Variants in GPATCH2 observed in about 807,000 individuals in gnomAD.
The protein encoded by GPATCH2 is G patch domain-containing protein 2.
A neutral mutation model predicts 58.0 loss-of-function variants in GPATCH2; 51 were observed. That is an observed-to-expected ratio of 0.88 (90% CI 0.70 to 1.11). The LOEUF (loss-of-function observed/expected upper bound fraction) is 1.11. GPATCH2 is among the 50% of genes most tolerant of loss of function. GPATCH2 has a pLI of 0.00. For missense variants in GPATCH2, 625 were observed against 652.2 expected, an observed-to-expected ratio of 0.96 and a Z score of 0.45; for synonymous variants, 222 against 218.5, an observed-to-expected ratio of 1.02 and a Z score of -0.14.
chr1:217,505,281 G>GA (rs1662495242), intron 6 of GPATCH2, among the ~76,000 whole-genome samples: 1 of 152,174 alleles, frequency 6.6e-6, no homozygotes, highest in South Asian at 2.1e-4. Context: ...CTGATAACAA[G>GA]AATAGTTATC....
chr1:217,533,754 T>C (rs2102628404), intron 5 of GPATCH2, among the ~76,000 whole-genome samples: 1 of 152,352 alleles, frequency 6.6e-6, no homozygotes. Flanking sequence ...CTGAATCATG[T>C]ATAACAGAAT....
chr1:217,521,197 C>G (rs536595074), intron 5 of GPATCH2, among the ~76,000 whole-genome samples: 1 of 152,144 alleles, frequency 6.6e-6, no homozygotes, highest in East Asian at 1.9e-4. Context: ...AAACAATGTG[C>G]CTAGAGTGAA....
chr1:217,612,511 G>A (rs530761720), intron 3 of GPATCH2, among the ~76,000 whole-genome samples: 16 of 151,970 alleles, frequency 1.1e-4, no homozygotes, highest in Non-Finnish European at 1.5e-4. Flanking sequence ...TCATCAGCTC[G>A]TTTCTACTGG....
chr1:217,622,344 T>C (rs1008047443), intron 1 of GPATCH2, among the ~76,000 whole-genome samples: 1 of 152,230 alleles, frequency 6.6e-6, no homozygotes, highest in Non-Finnish European at 1.5e-5. Context: ...CTAAGTAACA[T>C]GGCATTGCGG....
intron 5 of GPATCH2, among the ~76,000 whole-genome samples, chr1:217,566,627 T>A (rs1666250859): frequency 2.0e-5 from 3 of 152,250 alleles, no homozygotes; most frequent in Non-Finnish European, 4.4e-5. Context: ...TATCCATTCC[T>A]TTGTTTACTT....
intron 5 of GPATCH2, among the ~76,000 whole-genome samples, chr1:217,588,527 A>G (rs1056808337): frequency 6.6e-6 from 1 of 152,120 alleles, no homozygotes; most frequent in Non-Finnish European, 1.5e-5. Context: ...ACTTAATTGA[A>G]CCATAAGACA....
At chr1:217,450,626 G>A (rs922760574) in intron 8 of GPATCH2, among the ~76,000 whole-genome samples, 6 of 151,846 alleles carry the variant, frequency 4.0e-5, no homozygotes, top group Non-Finnish European at 5.9e-5. Flanking sequence ...TTTATTGAGC[G>A]CATACTGTTT....
At chr1:217,443,344 C>T (rs1236328332) in intron 9 of GPATCH2, among the ~76,000 whole-genome samples, 2 of 152,098 alleles carry the variant, frequency 1.3e-5, no homozygotes, top group Admixed American at 1.3e-4. Context: ...TGTCTTAGCA[C>T]TTTGGAAATA....
intron 6 of GPATCH2, among the ~76,000 whole-genome samples, chr1:217,513,378 T>A (rs1241080758): frequency 6.6e-6 from 1 of 152,184 alleles, no homozygotes; most frequent in Non-Finnish European, 1.5e-5. Context: ...ACTATAAGAT[T>A]ATGATATCAT....
chr1:217,498,502 C>T, intron 6 of GPATCH2, 107 bp from the exon 7 acceptor site: 1 of 792,586 alleles, frequency 1.3e-6, no homozygotes, highest in South Asian at 1.4e-5. Flanking sequence ...GCAACACAGC[C>T]TTAAATATGC....
intron 5 of GPATCH2, among the ~76,000 whole-genome samples, chr1:217,556,562 A>G (rs551082999): frequency 5.3e-5 from 8 of 152,348 alleles, no homozygotes; most frequent in African/African-American, 1.9e-4. Context: ...TACTATTAAT[A>G]TAGTATTCCA....
At chr1:217,545,966 C>T (rs188575267) in intron 5 of GPATCH2, among the ~76,000 whole-genome samples, 244 of 152,286 alleles carry the variant, frequency 1.6e-3, no homozygotes, top group African/African-American at 5.6e-3. Flanking sequence ...GTAGGATGAA[C>T]TGTGGGTTTG....
At chr1:217,451,915 C>T (rs1158640358) in intron 8 of GPATCH2, among the ~76,000 whole-genome samples, 2 of 151,288 alleles carry the variant, frequency 1.3e-5, no homozygotes, top group East Asian at 1.9e-4. Flanking sequence ...GTTTTCTATA[C>T]TTGCTGAACG....
At chr1:217,621,256 ATACC>A (rs1460795277) in intron 1 of GPATCH2, among the ~76,000 whole-genome samples, 3 of 152,224 alleles carry the variant, frequency 2.0e-5, no homozygotes, top group Non-Finnish European at 4.4e-5. Context: ...TTTATAAATT[ATACC>A]TGTCCTTTTA....
intron 9 of GPATCH2, among the ~76,000 whole-genome samples, chr1:217,434,019 T>C (rs3790726): frequency 0.31 from 46,487 of 152,044 alleles, 7,376 homozygotes; most frequent in Middle Eastern, 0.44. Flanking sequence ...AGAAGAAGAC[T>C]ACATCATTGC....
chr1:217,438,544 A>G (rs1406054129), intron 9 of GPATCH2, among the ~76,000 whole-genome samples: 1 of 152,202 alleles, frequency 6.6e-6, no homozygotes, highest in Non-Finnish European at 1.5e-5. Flanking sequence ...AAACTGAAAA[A>G]CACAGCATGA....
At chr1:217,549,127 G>C (rs7542846) in intron 5 of GPATCH2, among the ~76,000 whole-genome samples, 83,499 of 151,914 alleles carry the variant, frequency 0.55, 24,289 homozygotes, top group East Asian at 0.93. Context: ...TTTCAAAATA[G>C]TTAAGTTTTG....
chr1:217,573,154 T>A (rs1024601078), intron 5 of GPATCH2, among the ~76,000 whole-genome samples: 1 of 152,238 alleles, frequency 6.6e-6, no homozygotes, highest in African/African-American at 2.4e-5. Flanking sequence ...AGATCTGTTA[T>A]CATTCTCATC....
chr1:217,517,129 A>G (rs1043815101), intron 5 of GPATCH2, among the ~76,000 whole-genome samples: 1 of 152,182 alleles, frequency 6.6e-6, no homozygotes, highest in Non-Finnish European at 1.5e-5. Context: ...GCTCAGTTCA[A>G]CTGCAGCAAG....
Sources: gnomAD v4.1 joint callset for allele counts (sites outside exome capture counted in the v4.1 genomes callset) on GRCh38, gnomAD v4.1.1 for gene constraint, MANE v1.5 for transcripts, NCBI Gene and HGNC (gene_info 2026-07-23, HGNC 2026-07-21) for gene names.